ABCC4: variants seen among roughly 807,000 people sequenced by gnomAD.
ABCC4 encodes ATP binding cassette subfamily C member 4 (PEL blood group), also known as ATP-binding cassette sub-family C member 4.
In ABCC4, 102 loss-of-function variants were observed where a neutral mutation model predicts 168.5. The ratio of observed to expected loss-of-function variants is 0.61; its 90% CI spans 0.52 to 0.71. ABCC4 has a LOEUF of 0.71. ABCC4 is among the 30% of genes least tolerant of loss of function. The pLI, the probability that ABCC4 is intolerant of heterozygous loss-of-function variation, is 0.00. For synonymous variants in ABCC4, 617 were observed against 590.7 expected (o/e 1.04, Z -0.65); for missense variants, 1,402 against 1,605.8 (o/e 0.87, Z 2.17).
At chr13:95,193,307 C>T (rs1357082894) in intron 9 of ABCC4, among the ~76,000 whole-genome samples, 2 of 152,216 alleles carry the variant, frequency 1.3e-5, no homozygotes, top group Non-Finnish European at 2.9e-5. Context: ...AGGGGAGGAG[C>T]TGGTCACCAC....
intron 9 of ABCC4, among the ~76,000 whole-genome samples, chr13:95,194,465 A>C (rs776510387): frequency 3.9e-5 from 6 of 152,186 alleles, no homozygotes; most frequent in Non-Finnish European, 8.8e-5. Flanking sequence ...GATACCCCAA[A>C]GTCTCCGTAA....
chr13:95,290,621 C>A (rs1279116753), intron 1 of ABCC4, among the ~76,000 whole-genome samples: 1 of 147,020 alleles, frequency 6.8e-6, no homozygotes, highest in Non-Finnish European at 1.5e-5. Context: ...AGGAGAATCA[C>A]TTGAACCTGG....
intron 19 of ABCC4, among the ~76,000 whole-genome samples, chr13:95,117,456 C>G (rs987948546): frequency 1.3e-5 from 2 of 152,154 alleles, no homozygotes; most frequent in African/African-American, 4.8e-5. Context: ...CAACCAGCTT[C>G]CGGGGGCCCT....
chr13:95,090,645 C>G (rs2034402349), intron 20 of ABCC4, among the ~76,000 whole-genome samples: 1 of 152,166 alleles, frequency 6.6e-6, no homozygotes, highest in Non-Finnish European at 1.5e-5. Flanking sequence ...CAGCTCAAGA[C>G]CTTCCCTCTG....
intron 1 of ABCC4, among the ~76,000 whole-genome samples, chr13:95,253,730 CGA>C (rs1182146567): frequency 1.5e-4 from 23 of 151,280 alleles, no homozygotes; most frequent in Admixed American, 1.5e-3. Flanking sequence ...GGCGACAGAG[CGA>C]GACCCCATCA....
chr13:95,265,424 C>T (rs1023137837), intron 1 of ABCC4, among the ~76,000 whole-genome samples: 1 of 127,672 alleles, frequency 7.8e-6, no homozygotes, highest in African/African-American at 3.2e-5. Context: ...AAGCATGACA[C>T]AATAAGAAAA....
At chr13:95,269,440 T>A (rs2389230) in intron 1 of ABCC4, 11,369 of 81,312 alleles carry the variant, frequency 0.14, 801 homozygotes, top group East Asian at 0.49. Flanking sequence ...AAAAAATATA[T>A]ATATATATAT....
chr13:95,045,095 A>C (rs1424111617), intron 27 of ABCC4, among the ~76,000 whole-genome samples: 1 of 152,230 alleles, frequency 6.6e-6, no homozygotes, highest in African/African-American at 2.4e-5. Context: ...ACCAATAACC[A>C]ACATGACAGC....
chr13:95,193,018 G>A (rs2487566), intron 9 of ABCC4, among the ~76,000 whole-genome samples: 77,315 of 152,154 alleles, frequency 0.51, 19,649 homozygotes, highest in African/African-American at 0.52. Context: ...CACAAGATGC[G>A]ATGATGTTCT....
chr13:95,244,662 A>ATC lies in ABCC4; in HGVS notation c.306+2312_306+2313insGA, dbSNP rs1566563754. ...GAAAGAAAGAAAGAAAGAAAGAAAG[A>ATC]AAGAAAGAAATCATAGCAGTTCCTG... On this transcript the variant is annotated intron_variant, in intron 3 of 30. Coordinates refer to ENST00000645237, the MANE Select transcript of ABCC4 (RefSeq NM_005845.5). 7.5e-3 allele frequency among the ~76,000 whole-genome samples: 148 copies of ATC among 19,792 alleles called. 20 individuals are homozygous for ATC. The highest frequency in any genetic ancestry group is 9.3e-3 in the African/African-American group (39 of 4,204). The allele number at this position is 19,792 out of a possible 152,430, so 13.0% of individuals were successfully genotyped here.
chr13:95,208,537 C>G (rs755722966), intron 6 of ABCC4, among the ~76,000 whole-genome samples: 42 of 151,576 alleles, frequency 2.8e-4, no homozygotes, highest in Non-Finnish European at 5.0e-4. Context: ...GAACCATTTC[C>G]AATTCGTTGG....
At chr13:95,061,279 T>C (rs1024970077) in intron 26 of ABCC4, among the ~76,000 whole-genome samples, 24 of 152,174 alleles carry the variant, frequency 1.6e-4, no homozygotes, top group Admixed American at 1.5e-3. Flanking sequence ...TTTTGAGGAA[T>C]CTCTACAGTG....
At chr13:95,055,555 G>T (rs2033020130) in intron 26 of ABCC4, 1 of 152,056 alleles carries the variant, frequency 6.6e-6, no homozygotes, top group East Asian at 1.9e-4. Flanking sequence ...TAGTAATTTT[G>T]TCCTCATTAC....
At chr13:95,101,222 G>A (rs1208235970) in intron 20 of ABCC4, among the ~76,000 whole-genome samples, 1 of 152,178 alleles carries the variant, frequency 6.6e-6, no homozygotes, top group Non-Finnish European at 1.5e-5. Flanking sequence ...GTTTGTGGGA[G>A]GAGGGACTGG....
chr13:95,145,259 T>G (rs956037405), intron 19 of ABCC4, among the ~76,000 whole-genome samples: 2 of 152,044 alleles, frequency 1.3e-5, no homozygotes, highest in African/African-American at 4.8e-5. Context: ...AAAAGAAAAC[T>G]ACCATCCAAC....
intron 30 of ABCC4, among the ~76,000 whole-genome samples, chr13:95,033,851 G>A (rs1004065388): frequency 6.6e-6 from 1 of 151,944 alleles, no homozygotes; most frequent in Non-Finnish European, 1.5e-5. Flanking sequence ...TAGTAGAGAC[G>A]GGGTTTCTCC....
At chr13:95,062,670 A>C in intron 26 of ABCC4, 34 bp downstream of exon 26, 4 of 1,572,486 alleles carry the variant, frequency 2.5e-6, no homozygotes, top group Non-Finnish European at 2.6e-6. Context: ...AGCTCTTATA[A>C]AAGGGGCAGG....
chr13:95,180,475 C>T (rs547281585), intron 11 of ABCC4, among the ~76,000 whole-genome samples: 36 of 152,206 alleles, frequency 2.4e-4, no homozygotes, highest in Non-Finnish European at 3.4e-4. Flanking sequence ...ATCGCTTGAA[C>T]CTGGGAGGCA....
At chr13:95,282,466 T>C (rs1214250463) in intron 1 of ABCC4, among the ~76,000 whole-genome samples, 1 of 152,220 alleles carries the variant, frequency 6.6e-6, no homozygotes, top group Non-Finnish European at 1.5e-5. Flanking sequence ...TACCAGTGTG[T>C]CACATGTTTC....
Sources: gnomAD v4.1 joint callset for allele counts (sites outside exome capture counted in the v4.1 genomes callset) on GRCh38, gnomAD v4.1.1 for gene constraint, MANE v1.5 for transcripts, NCBI Gene and HGNC (gene_info 2026-07-23, HGNC 2026-07-21) for gene names.